RNF220: variants seen among roughly 807,000 people sequenced by gnomAD.
The protein encoded by RNF220 is ring finger protein 220.
In RNF220, 7 loss-of-function variants were observed where a neutral mutation model predicts 67.1. The observed-to-expected ratio is 0.10, with a 90% confidence interval of 0.06 to 0.20. The LOEUF (loss-of-function observed/expected upper bound fraction) is 0.20. Ranked by LOEUF, RNF220 falls within the 10% of genes least tolerant of loss-of-function variation. The probability of loss-of-function intolerance (pLI) is 1.00; values close to 1 mark genes in which losing one functional copy is unlikely to be tolerated. For missense variants in RNF220, 565 were observed against 740.3 expected, an observed-to-expected ratio of 0.76 and a Z score of 2.75; for synonymous variants, 270 against 283.2, an observed-to-expected ratio of 0.95 and a Z score of 0.47.
At chr1:44,563,824 C>T (rs915686769) in intron 2 of RNF220, among the ~76,000 whole-genome samples, 2 of 152,350 alleles carry the variant, frequency 1.3e-5, no homozygotes, top group Middle Eastern at 3.4e-3. Flanking sequence ...TTCCTAACCT[C>T]TATGACTGCT....
At chr1:44,550,749 A>C (rs1371609115) in intron 2 of RNF220, among the ~76,000 whole-genome samples, 1 of 152,170 alleles carries the variant, frequency 6.6e-6, no homozygotes, top group Non-Finnish European at 1.5e-5. Flanking sequence ...GAAGGTTTCC[A>C]GCCCGTTTAG....
rs201065980 is a variant in RNF220 at position 44,650,749 on chromosome 1, G to A, written c.1675G>A (p.Gly559Arg). ...TCAGTGCAACACGATCACAGCGCCC[G>A]GAGACCTGCGGAGGATCTACTTGTG... Reference protein sequence around the residue: ...CPQCNTITAPGDLRRIYL With the variant: ...CPQCNTITAPRDLRRIYL Residue 559 changes from glycine (G) to arginine (R), a missense_variant, in exon 15 of 15, where the codon GGA (glycine) becomes AGA (arginine). Coordinates refer to ENST00000361799, the MANE Select transcript of RNF220 (RefSeq NM_018150.4). This position sits in a 1 kb window ranked among gnomAD's most constrained non-coding sequence, Gnocchi z 4.3. 104 of 1,613,850 alleles carry A rather than the reference G, an allele frequency of 6.4e-5. No individual in the cohort carries two copies. In the South Asian group the frequency reaches 6.5e-4, roughly 10 times the overall value.
chr1:44,527,651 T>C (rs910566208), intron 2 of RNF220, among the ~76,000 whole-genome samples: 3 of 151,340 alleles, frequency 2.0e-5, no homozygotes, highest in Non-Finnish European at 4.4e-5. Context: ...CAGGGCTGGG[T>C]GCGGTGGCTC....
At chr1:44,648,538 A>G (rs1424071984) in intron 12 of RNF220, 1 of 152,174 alleles carries the variant, frequency 6.6e-6, no homozygotes, top group Admixed American at 6.5e-5. Context: ...AGAGAGTCCT[A>G]GCTATTCCCT....
At chr1:44,572,062 G>A (rs115191753) in intron 2 of RNF220, among the ~76,000 whole-genome samples, 286 of 152,230 alleles carry the variant, frequency 1.9e-3, no homozygotes, top group African/African-American at 6.6e-3. Flanking sequence ...CCCTGCCTCC[G>A]GTCCTTCCTC....
intron 2 of RNF220, among the ~76,000 whole-genome samples, chr1:44,584,971 T>A (rs1665591002): frequency 6.6e-6 from 1 of 152,208 alleles, no homozygotes; most frequent in Admixed American, 6.5e-5. Flanking sequence ...AGTGCTGGGA[T>A]TACAGGCGTG....
At chr1:44,574,635 G>A (rs1558056938) in intron 2 of RNF220, among the ~76,000 whole-genome samples, 1 of 152,168 alleles carries the variant, frequency 6.6e-6, no homozygotes, top group Non-Finnish European at 1.5e-5. Context: ...GAGCACCCAG[G>A]TCAGCCTGCC....
At chr1:44,549,767 G>A (rs544129482) in intron 2 of RNF220, among the ~76,000 whole-genome samples, 3 of 152,188 alleles carry the variant, frequency 2.0e-5, no homozygotes, top group South Asian at 4.1e-4. Flanking sequence ...TGCAGGGGCC[G>A]CCTGAATGAG....
At chr1:44,506,155 G>A (rs1201645243) in intron 2 of RNF220, among the ~76,000 whole-genome samples, 1 of 152,238 alleles carries the variant, frequency 6.6e-6, no homozygotes, top group Admixed American at 6.5e-5. Context: ...AGAAGTTATT[G>A]TCCCTTACAT....
intron 2 of RNF220, among the ~76,000 whole-genome samples, chr1:44,422,497 T>C (rs910160991): frequency 3.9e-5 from 6 of 152,190 alleles, no homozygotes; most frequent in Non-Finnish European, 8.8e-5. Context: ...ACAGAGATGC[T>C]TCATTGCAAA....
At chr1:44,528,201 A>G (rs1361850144) in intron 2 of RNF220, among the ~76,000 whole-genome samples, 1 of 152,202 alleles carries the variant, frequency 6.6e-6, no homozygotes, top group Non-Finnish European at 1.5e-5. Context: ...TATAAAATGG[A>G]CTAAGTAATG....
intron 1 of RNF220, among the ~76,000 whole-genome samples, chr1:44,409,399 C>T (rs569659662): frequency 2.0e-5 from 3 of 152,294 alleles, no homozygotes; most frequent in East Asian, 3.9e-4. Flanking sequence ...TGTCTGATGC[C>T]GTGGAAAAGT....
chr1:44,467,623 T>C (rs909415005), intron 2 of RNF220, among the ~76,000 whole-genome samples: 1 of 151,732 alleles, frequency 6.6e-6, no homozygotes, highest in Non-Finnish European at 1.5e-5. Context: ...TTGTGGCTGG[T>C]TTGATCTTCT....
chr1:44,601,514 A>G (rs1055702344), intron 2 of RNF220, among the ~76,000 whole-genome samples: 1 of 152,184 alleles, frequency 6.6e-6, no homozygotes, highest in African/African-American at 2.4e-5. Flanking sequence ...CCCAGGGAAC[A>G]TAGGCAGGAT....
intron 2 of RNF220, among the ~76,000 whole-genome samples, chr1:44,486,780 C>T (rs1005288564): frequency 6.6e-6 from 1 of 152,164 alleles, no homozygotes; most frequent in Non-Finnish European, 1.5e-5. Context: ...TCCACCACCA[C>T]CTCCTAGCTG....
chr1:44,409,363 A>C (rs1002044527), intron 1 of RNF220, among the ~76,000 whole-genome samples: 5 of 152,254 alleles, frequency 3.3e-5, no homozygotes, highest in African/African-American at 1.2e-4. Flanking sequence ...AATTCAACAA[A>C]GACTTTTTGC....
intron 2 of RNF220, among the ~76,000 whole-genome samples, chr1:44,528,400 A>T (rs1311247577): frequency 6.6e-6 from 1 of 151,612 alleles, no homozygotes; most frequent in African/African-American, 2.4e-5. Context: ...TCCCAGGTTC[A>T]TGCCATTCTC....
Position 44,650,429 on chromosome 1 carries a change from C to T in RNF220, c.1630-275C>T. The T allele has an allele frequency of 5.6e-6, 3 of 539,796 alleles. No individual in the cohort carries two copies. The highest frequency in any genetic ancestry group is 4.3e-5 in the South Asian group (2 of 46,744). 33.4% of individuals were successfully genotyped at this position (539,796 alleles called of 1,614,324 possible). On this transcript the variant is annotated intron_variant, in intron 14 of 14. Transcript: ENST00000361799. This position sits in a 1 kb window ranked among gnomAD's most constrained non-coding sequence, Gnocchi z 4.3. Reference sequence around the variant, plus strand: ...CCTGATCAAAGGCCGCGTGTAATCTCGTTAGGGCTGCGGCTGCCACAGCTG... The same window carrying T: ...CCTGATCAAAGGCCGCGTGTAATCTTGTTAGGGCTGCGGCTGCCACAGCTG...
chr1:44,574,023 T>C (rs780620049), intron 2 of RNF220, among the ~76,000 whole-genome samples: 1 of 152,136 alleles, frequency 6.6e-6, no homozygotes, highest in African/African-American at 2.4e-5. Context: ...GAGGCTGAGG[T>C]GGGAGCATCA....
Sources: gnomAD v4.1 joint callset for allele counts (sites outside exome capture counted in the v4.1 genomes callset) on GRCh38, gnomAD v4.1.1 for gene constraint, Gnocchi (gnomAD v3.1) non-coding constraint, MANE v1.5 for transcripts, NCBI Gene and HGNC (gene_info 2026-07-23, HGNC 2026-07-21) for gene names.